The following TUBGCP2 variants were observed in gnomAD, a reference collection of about 807,000 sequenced individuals.
TUBGCP2 encodes the protein gamma-tubulin complex component 2.
A neutral mutation model predicts 92.2 loss-of-function variants in TUBGCP2; 55 were observed. The observed-to-expected ratio is 0.60, with a 90% CI of 0.48 to 0.75. The LOEUF (loss-of-function observed/expected upper bound fraction) is 0.75. Among genes scored for constraint, TUBGCP2 ranks in the 30% least tolerant of loss-of-function variants. The probability of loss-of-function intolerance (pLI) is 0.00; values close to 1 mark genes in which losing one functional copy is unlikely to be tolerated. For synonymous variants in TUBGCP2, 533 were observed against 505.2 expected (o/e 1.06, Z -0.74); for missense variants, 1,093 against 1,188.9 (o/e 0.92, Z 1.19).
chr10:133,302,611 C>A, intron 2 of TUBGCP2, 181 bp downstream of exon 2: 1 of 689,988 alleles, frequency 1.4e-6, no homozygotes. Flanking sequence ...TCATCCTGCA[C>A]CCTGACCCAG....
At chr10:133,288,615 C>T (rs1847194137) in intron 10 of TUBGCP2, among the ~76,000 whole-genome samples, 1 of 152,244 alleles carries the variant, frequency 6.6e-6, no homozygotes, top group Admixed American at 6.5e-5. Flanking sequence ...GGCTGGTGGG[C>T]CCTGGGCAAG....
intron 2 of TUBGCP2, 114 bp from the exon 3 acceptor site, chr10:133,300,227 A>C (rs1847609719): frequency 4.1e-6 from 5 of 1,231,878 alleles, no homozygotes; most frequent in Non-Finnish European, 4.5e-6. Flanking sequence ...GGGTAGGTTA[A>C]ATAATTATCC....
Position 133,289,003 on chromosome 10 carries a change from C to T in TUBGCP2, c.1378G>A (p.Val460Ile), listed in dbSNP as rs747638521. 2 of 1,611,958 alleles carry T rather than the reference C, an allele frequency of 1.2e-6. No individual in the cohort carries two copies. Among genetic ancestry groups the T allele is most frequent in the African/African-American group, 1.3e-5 (1 of 74,802 alleles). The change falls in exon 10 of 18, where the codon GTC becomes ATC. Residue 460 changes from valine (V) to isoleucine (I), a missense_variant. Coordinates refer to ENST00000252936, the MANE Select transcript of TUBGCP2 (RefSeq NM_006659.4). ...ILSTGKYLNV[V>I]RECGHDVTCP... ...GTGACGTCATGGCCACACTCTCTGA[C>T]CACATTTAGATATTTTCCTGAAAAC...
chr10:133,282,973 A>G (rs960329105), intron 15 of TUBGCP2, 105 bp downstream of exon 15: 10 of 1,480,036 alleles, frequency 6.8e-6, no homozygotes, highest in Non-Finnish European at 9.1e-6. Context: ...CTCCTCCACG[A>G]ACACAAGGGC....
chr10:133,308,956 C>G (rs1030310229), upstream of TUBGCP2: 1 of 1,237,818 alleles, frequency 8.1e-7, no homozygotes, highest in African/African-American at 1.6e-5. Context: ...GCAGTTGCCC[C>G]CCGCGCTGTG....
upstream of TUBGCP2, chr10:133,309,097 G>A: frequency 7.6e-7 from 1 of 1,319,702 alleles, no homozygotes; most frequent in Non-Finnish European, 9.7e-7. Flanking sequence ...GTTCTTCGAG[G>A]TGCGTGAGCA....
chr10:133,297,752 T>G (rs1444682674), intron 5 of TUBGCP2, among the ~76,000 whole-genome samples, 200 bp downstream of exon 5: 1 of 152,200 alleles, frequency 6.6e-6, no homozygotes, highest in East Asian at 1.9e-4. Flanking sequence ...GCTGCCATCC[T>G]GGGATGGGAA....
intron 14 of TUBGCP2, 139 bp from the exon 15 acceptor site, chr10:133,283,360 GA>G (rs919493602): frequency 4.0e-6 from 5 of 1,250,092 alleles, no homozygotes; most frequent in African/African-American, 3.2e-5. Flanking sequence ...GCTTTTAGGG[GA>G]AAACTTCCAA....
At chr10:133,308,723 A>G in intron 1 of TUBGCP2, 100 bp downstream of exon 1, 1 of 314,300 alleles carries the variant, frequency 3.2e-6, no homozygotes, top group Non-Finnish European at 5.8e-6. Context: ...GCGCGGGAAG[A>G]GCCGCGTCCC....
rs1226566329 is a variant in TUBGCP2, at chr10:133,279,837, C to A, written c.2638G>T (p.Ala880Ser). ...ERLSAERSQK[A>S]TPQVPVLRGP... ...CGCAGGACAGGCACTTGGGGGGTGG[C>A]CTTCTGGCTCCTCTCTGCAGACAGG... The change falls in exon 18 of 18, where the codon GCC becomes TCC. Residue 880 changes from alanine to serine, a missense_variant. Ala to Ser is a moderately conservative substitution (Grantham distance 99). Around this residue, in one of 3 missense-constraint regions of TUBGCP2, gnomAD observed 598 missense variants for 675.5 expected, o/e 0.89. Transcript: ENST00000252936. 4.4e-6 allele frequency: 7 copies of A among 1,596,580 alleles called. No individual in the cohort carries two copies. The East Asian group carries it at 1.6e-4, about 36-fold the overall frequency.
chr10:133,287,784 A>C (rs1276011273), intron 11 of TUBGCP2, among the ~76,000 whole-genome samples: 1 of 152,076 alleles, frequency 6.6e-6, no homozygotes, highest in East Asian at 1.9e-4. Flanking sequence ...AGGCAAAAAC[A>C]AAAAGAATTA....
rs916467777 is a variant in TUBGCP2 at position 133,308,806 on chromosome 10, G to A, written c.-40+17C>T. On this transcript the variant is annotated intron_variant, in intron 1 of 17. Transcript: ENST00000252936. The stretch of plus-strand genomic sequence containing the variant: ...ACCCCCTCATCACGCCCGCGCCCGC[G>A]TTCGGCCAGGACTCACCGCAGTCCC... 2 of 687,990 alleles carry A rather than the reference G, an allele frequency of 2.9e-6. No individual in the cohort carries two copies. The highest frequency in any genetic ancestry group is 7.4e-5 in the South Asian group (1 of 13,450). 42.6% of individuals were successfully genotyped at this position (687,990 alleles called of 1,614,324 possible).
chr10:133,288,111 C>T lies in TUBGCP2; in HGVS notation c.1722+18G>A, dbSNP rs750845679. 9 of 1,603,672 alleles carry T rather than the reference C, an allele frequency of 5.6e-6. No individual in the cohort carries two copies. Among genetic ancestry groups the T allele is most frequent in the Non-Finnish European group, 6.8e-6 (8 of 1,173,094 alleles). ...GAGGCCTCTGCCACAGGGGACAGCC[C>T]CCGGCACCCCCACCCACCTTGAGGT... On this transcript the variant is annotated intron_variant, in intron 11 of 17. Transcript: ENST00000252936.
intron 1 of TUBGCP2, among the ~76,000 whole-genome samples, chr10:133,307,113 CACA>C (rs1190831452): frequency 6.6e-6 from 1 of 152,230 alleles, no homozygotes; most frequent in Non-Finnish European, 1.5e-5. Flanking sequence ...CCACTGAAAA[CACA>C]GCTCTGAGGA....
intron 9 of TUBGCP2, among the ~76,000 whole-genome samples, 173 bp downstream of exon 9, chr10:133,289,651 G>T (rs554665542): frequency 1.6e-4 from 25 of 152,312 alleles, no homozygotes; most frequent in South Asian, 6.2e-4. Flanking sequence ...CTAACTCAGC[G>T]CCGCAGCCCA....
upstream of TUBGCP2, chr10:133,309,038 C>T: frequency 7.9e-7 from 1 of 1,271,306 alleles, no homozygotes; most frequent in Non-Finnish European, 1.0e-6. Flanking sequence ...GCTGGGGCCG[C>T]GCCCTTTCGC....
At chr10:133,309,644 A>T, upstream of TUBGCP2, 1 of 1,297,442 alleles carries the variant, frequency 7.7e-7, no homozygotes, top group Non-Finnish European at 1.1e-6. Context: ...AACTTAATTC[A>T]TAAAAAGAGG....
At chr10:133,280,866 CGGG>C (rs148664671) in intron 17 of TUBGCP2, among the ~76,000 whole-genome samples, 26,576 of 137,264 alleles carry the variant, frequency 0.19, 797 homozygotes, top group East Asian at 0.38. Context: ...AAGGCTGAGC[CGGG>C]GCAGCACTGG....
upstream of TUBGCP2, among the ~76,000 whole-genome samples, chr10:133,310,829 T>A (rs1282601176): frequency 4.6e-5 from 7 of 151,222 alleles, no homozygotes; most frequent in Admixed American, 2.6e-4. Context: ...TGAGACAGGG[T>A]CTTGCTCTGA....
Sources: allele counts gnomAD v4.1 joint callset (sites outside exome capture counted in the v4.1 genomes callset), GRCh38; gene constraint gnomAD v4.1.1; regional missense constraint gnomAD v4.1.1; transcripts MANE v1.5; gene names NCBI Gene and HGNC (gene_info 2026-07-23, HGNC 2026-07-21).